Variants in DLGAP2 observed in about 807,000 individuals in gnomAD.
DLGAP2 encodes the protein DLG associated protein 2.
In DLGAP2, 26 loss-of-function variants were observed where a neutral mutation model predicts 100.3. The observed-to-expected ratio is 0.26, with a 90% CI of 0.19 to 0.36. The LOEUF (loss-of-function observed/expected upper bound fraction) is 0.36, where lower values mean the gene tolerates loss of function less well. DLGAP2 is among the 10% of genes least tolerant of loss of function. The pLI is 1.00. For missense variants in DLGAP2, 1,858 were observed against 1,453.2 expected (o/e 1.28, Z -4.53); for synonymous variants, 886 against 630.1 (o/e 1.41, Z -6.08).
chr8:1,610,674 C>A (rs1796966583), intron 6 of DLGAP2, among the ~76,000 whole-genome samples: 2 of 133,188 alleles, frequency 1.5e-5, no homozygotes, highest in East Asian at 2.1e-4. Flanking sequence ...AGAGAAGAAT[C>A]AAATAGACAC....
chr8:842,423 G>A (rs759779894), intron 1 of DLGAP2, among the ~76,000 whole-genome samples: 1 of 152,172 alleles, frequency 6.6e-6, no homozygotes, highest in South Asian at 2.1e-4. Context: ...GAACAGGCAC[G>A]TGCTTGAATC....
chr8:1,656,364 C>T (rs1369074306), intron 8 of DLGAP2, among the ~76,000 whole-genome samples: 2 of 151,878 alleles, frequency 1.3e-5, no homozygotes, highest in African/African-American at 2.4e-5. Flanking sequence ...AGTTATTGGT[C>T]AGGGCAGTCT....
At chr8:846,292 C>T (rs1260316338) in intron 1 of DLGAP2, among the ~76,000 whole-genome samples, 3 of 152,186 alleles carry the variant, frequency 2.0e-5, no homozygotes, top group Non-Finnish European at 2.9e-5. Context: ...ATCTCCTCCT[C>T]CCACACTCTT....
intron 4 of DLGAP2, among the ~76,000 whole-genome samples, chr8:1,546,485 G>A (rs1174844403): frequency 2.6e-5 from 4 of 152,238 alleles, no homozygotes; most frequent in Non-Finnish European, 5.9e-5. Context: ...TGGCCATGCT[G>A]GCCCAGACGG....
intron 2 of DLGAP2, among the ~76,000 whole-genome samples, chr8:970,424 G>T (rs538597087): frequency 1.8e-4 from 28 of 152,296 alleles, no homozygotes; most frequent in South Asian, 6.2e-4. Context: ...GCTGATCAAC[G>T]TTTATCAGCC....
chr8:951,915 C>G (rs1301957723), intron 2 of DLGAP2, among the ~76,000 whole-genome samples: 1 of 152,226 alleles, frequency 6.6e-6, no homozygotes, highest in African/African-American at 2.4e-5. Context: ...CACTTGGAAG[C>G]AAAGTAACTT....
At chr8:786,526 G>T (rs1376554804) in intron 1 of DLGAP2, among the ~76,000 whole-genome samples, 1 of 152,194 alleles carries the variant, frequency 6.6e-6, no homozygotes, top group Non-Finnish European at 1.5e-5. Context: ...CAGCCTTGCT[G>T]TACACAAAGG....
intron 2 of DLGAP2, among the ~76,000 whole-genome samples, chr8:1,027,243 C>G (rs980733917): frequency 2.6e-5 from 4 of 152,212 alleles, no homozygotes; most frequent in Non-Finnish European, 5.9e-5. Flanking sequence ...GTGAATTATG[C>G]GTTAATCCAG....
At chr8:1,294,744 G>A (rs889526185) in intron 3 of DLGAP2, among the ~76,000 whole-genome samples, 13 of 152,054 alleles carry the variant, frequency 8.5e-5, no homozygotes, top group South Asian at 6.2e-4. Flanking sequence ...TGGTGCACAC[G>A]TGTAATCCTG....
At chr8:748,351 G>C (rs1427802413) in intron 1 of DLGAP2, among the ~76,000 whole-genome samples, 1 of 152,014 alleles carries the variant, frequency 6.6e-6, no homozygotes, top group Admixed American at 6.5e-5. Context: ...TTCTGTCTCT[G>C]TCTCGCTCCT....
intron 2 of DLGAP2, among the ~76,000 whole-genome samples, chr8:964,573 G>A (rs182997070): frequency 1.6e-4 from 24 of 152,356 alleles, no homozygotes; most frequent in Admixed American, 1.4e-3. Flanking sequence ...GGTATCTGCC[G>A]TGTTCCCCAC....
intron 2 of DLGAP2, among the ~76,000 whole-genome samples, chr8:1,051,875 T>C (rs1441402454): frequency 6.6e-6 from 1 of 152,006 alleles, no homozygotes; most frequent in African/African-American, 2.4e-5. Context: ...TGCTACGGGT[T>C]TTTTCCTTTC....
intron 2 of DLGAP2, among the ~76,000 whole-genome samples, chr8:1,201,866 CTG>C (rs1563250081): frequency 3.3e-5 from 5 of 152,096 alleles, no homozygotes; most frequent in Admixed American, 2.0e-4. Flanking sequence ...CGGTATCTAT[CTG>C]TGGTGTGTGT....
intron 2 of DLGAP2, among the ~76,000 whole-genome samples, chr8:1,052,669 G>A (rs1290416190): frequency 6.6e-6 from 1 of 152,138 alleles, no homozygotes; most frequent in African/African-American, 2.4e-5. Context: ...GGCCTAGTAG[G>A]GGGGCAGTTT....
chr8:1,458,007 T>TATATATATATAC (rs1798367488), intron 3 of DLGAP2, among the ~76,000 whole-genome samples: 1 of 137,012 alleles, frequency 7.3e-6, no homozygotes, highest in South Asian at 2.3e-4. Context: ...TATATATATA[T>TATATATATATAC]ATATATAATT....
intron 1 of DLGAP2, among the ~76,000 whole-genome samples, chr8:838,908 C>T (rs1034642760): frequency 6.6e-6 from 1 of 152,118 alleles, no homozygotes; most frequent in Non-Finnish European, 1.5e-5. Flanking sequence ...TCTGAAATGG[C>T]GAGGTGCTGC....
At chr8:866,202 C>T (rs1233205248) in intron 1 of DLGAP2, among the ~76,000 whole-genome samples, 2 of 152,168 alleles carry the variant, frequency 1.3e-5, no homozygotes, top group Non-Finnish European at 2.9e-5. Context: ...TGACACCCCG[C>T]GCCTGGCCAG....
chr8:860,583 T>TG (rs1422928727), intron 1 of DLGAP2, among the ~76,000 whole-genome samples: 15 of 152,232 alleles, frequency 9.9e-5, no homozygotes. Context: ...GTGGTTACTG[T>TG]GGGGACTGAC....
intron 3 of DLGAP2, among the ~76,000 whole-genome samples, chr8:1,471,460 C>T (rs1407703672): frequency 6.6e-6 from 1 of 151,958 alleles, no homozygotes; most frequent in Non-Finnish European, 1.5e-5. Flanking sequence ...GCAGGACATC[C>T]CCAGCCTCCT....
Sources: allele counts gnomAD v4.1 joint callset (sites outside exome capture counted in the v4.1 genomes callset), GRCh38; gene constraint gnomAD v4.1.1; transcripts MANE v1.5; gene names NCBI Gene and HGNC (gene_info 2026-07-23, HGNC 2026-07-21).